Variants in OR10H1 observed in about 807,000 individuals in gnomAD.
OR10H1 encodes olfactory receptor 10H1.
Under a neutral mutation model 13.1 loss-of-function variants are expected in OR10H1, and 12 were observed. The ratio of observed to expected loss-of-function variants is 0.92; its 90% CI spans 0.59 to 1.48. The LOEUF is 1.48. Ranked by LOEUF, OR10H1 falls within the 40% of genes most tolerant of loss-of-function variation. OR10H1 has a pLI of 0.00. For synonymous variants in OR10H1, 168 were observed against 175.6 expected (o/e 0.96, Z 0.34); for missense variants, 363 against 413.1 (o/e 0.88, Z 1.05).
chr19:15,809,500 C>T (rs1173241727), intron 2 of OR10H1, among the ~76,000 whole-genome samples: 4 of 151,974 alleles, frequency 2.6e-5, no homozygotes, highest in African/African-American at 9.7e-5. Flanking sequence ...GCTATGTTGC[C>T]CAGGCTGGTC....
chr19:15,813,522 GAGAGAGGTGGGGAGAGAAAGAA>G lies in OR10H1; in HGVS notation c.-777-666_-777-645del, dbSNP rs1441393860. The stretch of plus-strand genomic sequence containing the variant: ...AGAGGAGGCGAGGGAGAAACAGAGA[GAGAGAGGTGGGGAGAGAAAGAA>G]AGAGAGGTGGGGAGAGAGAAAGAGA... On this transcript the variant is annotated intron_variant, in intron 1 of 3. Coordinates refer to ENST00000641419, the MANE Select transcript of OR10H1 (RefSeq NM_013940.4). Among the ~76,000 whole-genome samples the G allele has an allele frequency of 1.1e-4, 17 of 151,682 alleles. 1 individual carries two copies. The highest frequency in any genetic ancestry group is 6.3e-4 in the South Asian group (3 of 4,790).
At chr19:15,811,006 G>A (rs1599313519) in intron 2 of OR10H1, among the ~76,000 whole-genome samples, 1 of 152,102 alleles carries the variant, frequency 6.6e-6, no homozygotes, top group East Asian at 1.9e-4. Flanking sequence ...TTCCCTTTAA[G>A]TGGGCTCAGG....
rs1213257738 is a variant in OR10H1, at chr19:15,812,605, G to T, written c.-504C>A. 6.9e-6 allele frequency: 1 copy of T among 144,910 alleles called. No individual in the cohort carries two copies. The highest frequency in any genetic ancestry group is 2.6e-5 in the African/African-American group (1 of 38,474). The allele number at this position is 144,910 out of a possible 1,614,324, so 9.0% of individuals were successfully genotyped here. ...AAGGAGGGAGGGAGGCAGGAAGGAA[G>T]GAGAGTGAGGGAGGAAAGAAGGAGA... On this transcript the variant is annotated 5_prime_UTR_variant, in exon 2 of 4. Transcript: ENST00000641419.
Position 15,807,240 on chromosome 19 carries a change from G to T in OR10H1, c.798C>A (p.Pro266=), listed in dbSNP as rs754310149. The T allele has an allele frequency of 6.2e-7, 1 of 1,613,998 alleles. No homozygotes were observed. The highest frequency in any genetic ancestry group is 8.5e-7 in the Non-Finnish European group (1 of 1,180,024). ...ASVIYLKPKS[P]QSLEGDTLMG... is the part of the protein sequence containing the mutation. ...TCAAGGTGTCTCCTTCCAGAGACTG[G>T]GGACTTTTGGGCTTCAGGTAAATGA... Residue 266 remains proline (P), a synonymous_variant, in exon 4 of 4, where the codon CCC becomes CCA. Transcript: ENST00000641419.
Position 15,810,912 on chromosome 19 carries a change from AG to A in OR10H1, c.-129+1317del, listed in dbSNP as rs1313277148. Reference sequence around the variant, plus strand: ...ATAAAATAAAATAAAAATAAAGAAAAGAAAATAAATAAATAAATAGGTAAAT... The same window carrying A: ...ATAAAATAAAATAAAAATAAAGAAAAAAAATAAATAAATAAATAGGTAAAT... On this transcript the variant is annotated intron_variant, in intron 2 of 3. Coordinates refer to ENST00000641419, the MANE Select transcript of OR10H1 (RefSeq NM_013940.4). Among the ~76,000 whole-genome samples the A allele has an allele frequency of 3.4e-4, 52 of 152,134 alleles. No homozygotes were observed. In the Middle Eastern group the frequency reaches 0.014, roughly 40 times the overall value.
In OR10H1 at chr19:15,806,717, T is replaced by G; in HGVS notation, c.*364A>C. On this transcript the variant is annotated 3_prime_UTR_variant, in exon 4 of 4. Transcript: ENST00000641419. ...GCCACAGTGCTTGGCTGGAACGTAATTTTCTTTTTTTCTTTCTTTCTTTCT... is the reference window on the plus strand; with the variant it reads ...GCCACAGTGCTTGGCTGGAACGTAAGTTTCTTTTTTTCTTTCTTTCTTTCT... The G allele has an allele frequency of 5.0e-6, 1 of 199,274 alleles. No homozygotes were observed. Among genetic ancestry groups the G allele is most frequent in the Non-Finnish European group, 1.0e-5 (1 of 97,140 alleles). The allele number at this position is 199,274 out of a possible 1,614,324, so 12.3% of individuals were successfully genotyped here. A position where few individuals can be genotyped will look rare whatever the true frequency, so the allele number is the denominator to read the frequency against.
At chr19:15,813,101 A>G (rs1410663037) in intron 1 of OR10H1, among the ~76,000 whole-genome samples, 1 of 152,028 alleles carries the variant, frequency 6.6e-6, no homozygotes, top group Non-Finnish European at 1.5e-5. Flanking sequence ...ATTTCAGTCA[A>G]TGACAATGTG....
chr19:15,808,863 T>C (rs567391479), intron 2 of OR10H1, 22 bp from the exon 3 acceptor site: 2 of 151,646 alleles, frequency 1.3e-5, no homozygotes, highest in Non-Finnish European at 2.9e-5. Flanking sequence ...AAAAAAAAAA[T>C]AAATAAATAA....
intron 2 of OR10H1, 123 bp from the exon 3 acceptor site, chr19:15,808,964 C>T (rs983968921): frequency 1.3e-5 from 2 of 152,230 alleles, no homozygotes; most frequent in African/African-American, 2.4e-5. Flanking sequence ...TCACGTTCAT[C>T]CCCCAGCTCC....
At chr19:15,809,094 T>A (rs907907452) in intron 2 of OR10H1, among the ~76,000 whole-genome samples, 3 of 152,014 alleles carry the variant, frequency 2.0e-5, no homozygotes, top group East Asian at 3.9e-4. Flanking sequence ...GGCAGGAGAC[T>A]GTGTTGCTCT....
At chr19:15,814,877 C>T (rs372144954) in intron 1 of OR10H1, among the ~76,000 whole-genome samples, 164 of 152,216 alleles carry the variant, frequency 1.1e-3, no homozygotes, top group Middle Eastern at 3.4e-3. Flanking sequence ...CTCTTTTCTC[C>T]GCCTCTTCCC....
In OR10H1 at chr19:15,806,417, G is replaced by C. The variant is rs372510662; in HGVS notation, c.*664C>G. The C allele has an allele frequency of 2.6e-5, 4 of 152,232 alleles. No individual in the cohort carries two copies. Among genetic ancestry groups the C allele is most frequent in the Non-Finnish European group, 5.9e-5 (4 of 68,146 alleles). The allele number at this position is 152,232 out of a possible 1,614,324, so 9.4% of individuals were successfully genotyped here. A position where few individuals can be genotyped will look rare whatever the true frequency, so the allele number is the denominator to read the frequency against. ...TGTTCATGGATTGTCTTTCTTTTAGGGGGGAAGGGATAGGGTCTCACTCTG... is the reference window on the plus strand; with the variant it reads ...TGTTCATGGATTGTCTTTCTTTTAGCGGGGAAGGGATAGGGTCTCACTCTG... On this transcript the variant is annotated 3_prime_UTR_variant, in exon 4 of 4. Transcript: ENST00000641419.
Position 15,807,579 on chromosome 19 carries a change from C to G in OR10H1, c.459G>C (p.Leu153Phe). 6.2e-7 allele frequency: 1 copy of G among 1,614,240 alleles called. No homozygotes were observed. The highest frequency in any genetic ancestry group is 1.3e-5 in the African/African-American group (1 of 75,062). ...CLVGCSWAGG[L>F]VMGMVVTSAI... The stretch of plus-strand genomic sequence containing the variant: ...CCGAGGTCACCACCATCCCCATGAC[C>G]AAGCCACCAGCCCAGGAGCAGCCCA... Residue 153 changes from leucine (L) to phenylalanine (F), a missense_variant, in exon 4 of 4, where the codon TTG becomes TTC. Coordinates refer to ENST00000641419, the MANE Select transcript of OR10H1 (RefSeq NM_013940.4).
chr19:15,814,482 A>AGAGAG (rs2088955062), intron 1 of OR10H1, among the ~76,000 whole-genome samples: 1 of 33,764 alleles, frequency 3.0e-5, no homozygotes, highest in Admixed American at 2.7e-4. Context: ...TGTGTGTGTG[A>AGAGAG]GAGAGAGAGA....
chr19:15,810,818 T>G (rs559532147), intron 2 of OR10H1, among the ~76,000 whole-genome samples: 152 of 151,212 alleles, frequency 1.0e-3, no homozygotes, highest in African/African-American at 3.4e-3. Flanking sequence ...AGTGTTTATG[T>G]GGAAATCCAG....
intron 2 of OR10H1, among the ~76,000 whole-genome samples, chr19:15,810,492 C>T (rs572221932): frequency 2.6e-5 from 4 of 151,902 alleles, no homozygotes; most frequent in East Asian, 1.9e-4. Flanking sequence ...CCACAGCATG[C>T]GTCTGAGCTT....
rs1451233982 is a variant in OR10H1, at chr19:15,807,781, A to G, written c.257T>C (p.Leu86Pro). 6.2e-7 allele frequency: 1 copy of G among 1,608,248 alleles called. No individual in the cohort carries two copies. The highest frequency in any genetic ancestry group is 1.1e-5 in the South Asian group (1 of 90,758). The change falls in exon 4 of 4, where the codon CTG (leucine) becomes CCG (proline). Residue 86 changes from leucine (L) to proline (P), a missense_variant. By Grantham distance (98) the Leu-to-Pro change is moderately conservative. Around this residue, in one of 3 missense-constraint regions of OR10H1, gnomAD observed 318 missense variants for 366.6 expected, o/e 0.87. Transcript: ENST00000641419. ...GAAGGCGATGGAGCGCTGGGTGGAC[A>G]GCAGGTCGGCCAGCATGCGCGGGAT... ...AIIPRMLADLLSTQRSIAFLA... is the reference protein window; with the variant it reads ...AIIPRMLADLPSTQRSIAFLA...
intron 1 of OR10H1, among the ~76,000 whole-genome samples, chr19:15,815,119 T>A (rs910680735): frequency 6.6e-6 from 1 of 151,872 alleles, no homozygotes; most frequent in Admixed American, 6.6e-5. Context: ...GGCGGGTGGA[T>A]CACGAGATCA....
intron 2 of OR10H1, among the ~76,000 whole-genome samples, chr19:15,811,231 CTGAGATCTTAGAGGAGTAAATGACT>C (rs1370170330): frequency 6.6e-6 from 1 of 152,216 alleles, no homozygotes; most frequent in African/African-American, 2.4e-5. Flanking sequence ...TCCCGCCACT[CTGAGATCTTAGAGGAGTAAATGACT>C]TGGAAACAAG....
Sources: allele counts gnomAD v4.1 joint callset (sites outside exome capture counted in the v4.1 genomes callset), GRCh38; gene constraint gnomAD v4.1.1; regional missense constraint gnomAD v4.1.1; transcripts MANE v1.5; gene names NCBI Gene and HGNC (gene_info 2026-07-23, HGNC 2026-07-21).